The following BEND6 variants were observed in gnomAD, a reference collection of about 807,000 sequenced individuals.
The protein encoded by BEND6 is BEN domain-containing protein 6.
BEND6 carries 24 observed loss-of-function variants against 31.8 expected under a neutral mutation model. The observed-to-expected ratio is 0.75, with a 90% CI of 0.55 to 1.06. The LOEUF (loss-of-function observed/expected upper bound fraction) is 1.06, where lower values mean the gene tolerates loss of function less well. BEND6 is among the 50% of genes least tolerant of loss of function. The pLI, the probability that BEND6 is intolerant of heterozygous loss-of-function variation, is 0.00. For missense variants in BEND6, 294 were observed against 327.4 expected, an observed-to-expected ratio of 0.90 and a Z score of 0.79; for synonymous variants, 109 against 114.6, an observed-to-expected ratio of 0.95 and a Z score of 0.31.
At chr6:56,972,092 T>C (rs1398460328) in intron 1 of BEND6, among the ~76,000 whole-genome samples, 1 of 134,232 alleles carries the variant, frequency 7.4e-6, no homozygotes, top group African/African-American at 2.8e-5. Flanking sequence ...CTTTCTTTTT[T>C]TTTTTTTTTT....
At chr6:57,001,374 G>T (rs1171430579) in intron 3 of BEND6, among the ~76,000 whole-genome samples, 1 of 152,042 alleles carries the variant, frequency 6.6e-6, no homozygotes, top group Non-Finnish European at 1.5e-5. Flanking sequence ...ATGTTGTCCA[G>T]GCTGATCTTG....
intron 1 of BEND6, among the ~76,000 whole-genome samples, chr6:56,979,771 T>A (rs1357352852): frequency 6.6e-6 from 1 of 152,252 alleles, no homozygotes; most frequent in Non-Finnish European, 1.5e-5. Flanking sequence ...CCTATTGGCT[T>A]GCAGTATCTA....
At chr6:56,994,656 T>C (rs371117448) in intron 3 of BEND6, among the ~76,000 whole-genome samples, 2 of 151,984 alleles carry the variant, frequency 1.3e-5, no homozygotes, top group Admixed American at 6.6e-5. Context: ...AGCTAATTAG[T>C]AGAAATGCTT....
intron 3 of BEND6, among the ~76,000 whole-genome samples, chr6:57,011,427 T>C (rs78333335): frequency 0.012 from 1,869 of 152,138 alleles, 43 homozygotes; most frequent in African/African-American, 0.042. Flanking sequence ...ATCAAAGCTT[T>C]GTTTGTAATA....
intron 1 of BEND6, among the ~76,000 whole-genome samples, chr6:56,973,666 G>A (rs757961900): frequency 2.6e-5 from 4 of 152,164 alleles, no homozygotes. Context: ...GTGTGGATAC[G>A]CTGGACAAAG....
intron 3 of BEND6, among the ~76,000 whole-genome samples, chr6:56,994,457 CAAAAAAAAAAA>C (rs67871242): frequency 7.3e-5 from 4 of 54,864 alleles, no homozygotes; most frequent in African/African-American, 2.6e-4. Flanking sequence ...GACTCCATCT[CAAAAAAAAAAA>C]AAAAAAAAAA....
intron 6 of BEND6, among the ~76,000 whole-genome samples, chr6:57,019,815 T>C (rs926955990): frequency 1.3e-5 from 2 of 152,244 alleles, no homozygotes; most frequent in Non-Finnish European, 2.9e-5. Flanking sequence ...AGAACATGGC[T>C]GGGCATGGTG....
At chr6:57,018,668 C>G in intron 6 of BEND6, 111 bp downstream of exon 6, 1 of 1,117,818 alleles carries the variant, frequency 8.9e-7, no homozygotes. Context: ...ACTAGTGACC[C>G]ATGAAAAGCT....
chr6:57,021,502 T>A (rs1443537739), intron 6 of BEND6, among the ~76,000 whole-genome samples: 1 of 152,154 alleles, frequency 6.6e-6, no homozygotes, highest in East Asian at 1.9e-4. Flanking sequence ...ATGGCTCAGG[T>A]CTGTGAGGGT....
At chr6:57,014,665 A>G (rs1196648096) in intron 3 of BEND6, 1 of 643,826 alleles carries the variant, frequency 1.6e-6, no homozygotes, top group Non-Finnish European at 2.5e-6. Flanking sequence ...CTTGTAAACC[A>G]TACACGAAGG....
intron 3 of BEND6, among the ~76,000 whole-genome samples, chr6:56,995,896 C>T (rs962938761): frequency 6.6e-6 from 1 of 152,186 alleles, no homozygotes; most frequent in South Asian, 2.1e-4. Context: ...CACTTGTCAT[C>T]TTAAGTGCCC....
chr6:57,018,136 C>A (rs750079535), intron 5 of BEND6, among the ~76,000 whole-genome samples: 7 of 152,180 alleles, frequency 4.6e-5, no homozygotes, highest in Admixed American at 2.0e-4. Flanking sequence ...ACATTCCTAA[C>A]ATTTTAGAGC....
chr6:56,992,339 C>A, intron 2 of BEND6, 39 bp from the exon 3 acceptor site: 1 of 1,555,404 alleles, frequency 6.4e-7, no homozygotes, highest in Non-Finnish European at 8.7e-7. Flanking sequence ...ATTAAAGATG[C>A]TATGAGGCTT....
At chr6:56,969,032 C>G (rs1825593039) in intron 1 of BEND6, among the ~76,000 whole-genome samples, 1 of 151,634 alleles carries the variant, frequency 6.6e-6, no homozygotes, top group African/African-American at 2.4e-5. Flanking sequence ...AGAGATGGCG[C>G]CACTGCACTC....
At chr6:56,990,818 T>G (rs1826469107) in intron 2 of BEND6, among the ~76,000 whole-genome samples, 1 of 152,180 alleles carries the variant, frequency 6.6e-6, no homozygotes, top group African/African-American at 2.4e-5. Context: ...TTTAAAAAAA[T>G]TAAGGATCCT....
At chr6:57,000,693 A>C (rs1331844605) in intron 3 of BEND6, among the ~76,000 whole-genome samples, 1 of 151,500 alleles carries the variant, frequency 6.6e-6, no homozygotes, top group South Asian at 2.1e-4. Flanking sequence ...GATGGGCATT[A>C]GTGGTTTGGA....
rs541757993 is a variant in BEND6 at position 56,969,064 on chromosome 6, ACT to A, written c.-100-12644_-100-12643del. On this transcript the variant is annotated intron_variant, in intron 1 of 6. Coordinates refer to ENST00000370746, the MANE Select transcript of BEND6 (RefSeq NM_152731.3). ...ACTCCAGCCTGGGAGACAGAGTCAG[ACT>A]CTGTCTCAAAAAAAAAAAGAAAAGA... 2.7e-5 allele frequency among the ~76,000 whole-genome samples: 4 copies of A among 150,112 alleles called. No individual in the cohort carries two copies. In the East Asian group the frequency reaches 7.8e-4, roughly 29 times the overall value.
At chr6:56,976,416 C>T (rs1473040255) in intron 1 of BEND6, among the ~76,000 whole-genome samples, 1 of 151,968 alleles carries the variant, frequency 6.6e-6, no homozygotes, top group Non-Finnish European at 1.5e-5. Context: ...AGGATGGTCT[C>T]GATCTCCTGA....
At chr6:56,968,614 G>A (rs79603943) in intron 1 of BEND6, among the ~76,000 whole-genome samples, 9,025 of 151,826 alleles carry the variant, frequency 0.059, 390 homozygotes, top group East Asian at 0.18. Context: ...CACTGCACTT[G>A]GCCCAAACAT....
Sources: gnomAD v4.1 joint callset for allele counts (sites outside exome capture counted in the v4.1 genomes callset) on GRCh38, gnomAD v4.1.1 for gene constraint, MANE v1.5 for transcripts, NCBI Gene and HGNC (gene_info 2026-07-23, HGNC 2026-07-21) for gene names.